The following PIK3R4 variants were observed in gnomAD, a reference collection of about 807,000 sequenced individuals.
PIK3R4 encodes phosphoinositide-3-kinase regulatory subunit 4.
A neutral mutation model predicts 136.5 loss-of-function variants in PIK3R4; 46 were observed. The observed-to-expected ratio is 0.34, with a 90% CI of 0.27 to 0.43. PIK3R4 has a LOEUF of 0.43. PIK3R4 is among the 20% of genes least tolerant of loss of function. The probability of loss-of-function intolerance (pLI) is 1.00; values close to 1 mark genes in which losing one functional copy is unlikely to be tolerated. For synonymous variants in PIK3R4, 557 were observed against 566.7 expected (o/e 0.98, Z 0.24); for missense variants, 1,331 against 1,649.5 (o/e 0.81, Z 3.35).
At chr3:130,742,537 G>A (rs1279179697) in intron 2 of PIK3R4, among the ~76,000 whole-genome samples, 2 of 152,150 alleles carry the variant, frequency 1.3e-5, no homozygotes, top group African/African-American at 2.4e-5. Flanking sequence ...TTGTTATACT[G>A]TATTTACAAC....
Position 130,744,348 on chromosome 3 carries a change from C to A in PIK3R4, c.733+138G>T, listed in dbSNP as rs1420549221. 10 of 868,748 alleles carry A rather than the reference C, an allele frequency of 1.2e-5. No individual in the cohort carries two copies. In the East Asian group the frequency reaches 2.2e-4, roughly 19 times the overall value. 53.8% of individuals were successfully genotyped at this position (868,748 alleles called of 1,614,324 possible). ...AAACATATCCAATGCAGGAATGCTG[C>A]CTCTAACTGAAATAGCGTCTGAGGA... On this transcript the variant is annotated intron_variant, in intron 2 of 19. Transcript: ENST00000356763.
chr3:130,680,229 T>A (rs1263703351), intron 19 of PIK3R4, among the ~76,000 whole-genome samples: 1 of 152,178 alleles, frequency 6.6e-6, no homozygotes, highest in Non-Finnish European at 1.5e-5. Flanking sequence ...TCACTTGAAG[T>A]TTTTGCCTGA....
intron 16 of PIK3R4, 100 bp from the exon 17 acceptor site, chr3:130,681,691 C>A: frequency 1.5e-6 from 1 of 648,400 alleles, no homozygotes; most frequent in Admixed American, 2.8e-5. Flanking sequence ...AGAAAAATTT[C>A]TTTCTTTCTT....
chr3:130,734,848 A>C (rs987354890), intron 3 of PIK3R4, among the ~76,000 whole-genome samples: 1 of 152,188 alleles, frequency 6.6e-6, no homozygotes, highest in African/African-American at 2.4e-5. Flanking sequence ...AATATCACAA[A>C]ATGTATTGAG....
intron 2 of PIK3R4, among the ~76,000 whole-genome samples, chr3:130,743,204 C>T (rs934052710): frequency 6.6e-6 from 1 of 151,614 alleles, no homozygotes; most frequent in Non-Finnish European, 1.5e-5. Flanking sequence ...TGAGCTCAGG[C>T]GTTCAGGAAC....
At chr3:130,701,694 T>C (rs967472245) in intron 13 of PIK3R4, among the ~76,000 whole-genome samples, 1 of 152,146 alleles carries the variant, frequency 6.6e-6, no homozygotes, top group Non-Finnish European at 1.5e-5. Flanking sequence ...ATGGAATGGT[T>C]CATTTAAGAT....
intron 3 of PIK3R4, among the ~76,000 whole-genome samples, chr3:130,734,653 G>A (rs975020649): frequency 6.6e-6 from 1 of 152,192 alleles, no homozygotes; most frequent in Admixed American, 6.5e-5. Context: ...AGGGGAATCA[G>A]TGGCTTAAAG....
At chr3:130,722,612 A>G (rs2066708136) in intron 7 of PIK3R4, among the ~76,000 whole-genome samples, 1 of 152,170 alleles carries the variant, frequency 6.6e-6, no homozygotes, top group Non-Finnish European at 1.5e-5. Flanking sequence ...TAGAATAAAC[A>G]TATTATTCAA....
At chr3:130,711,574 A>C (rs973412906) in intron 9 of PIK3R4, among the ~76,000 whole-genome samples, 1 of 152,256 alleles carries the variant, frequency 6.6e-6, no homozygotes, top group Admixed American at 6.5e-5. Context: ...AGAAAGAACA[A>C]CACAAGGTTG....
chr3:130,687,859 A>G (rs1273554376), intron 14 of PIK3R4, among the ~76,000 whole-genome samples: 1 of 152,088 alleles, frequency 6.6e-6, no homozygotes, highest in Non-Finnish European at 1.5e-5. Context: ...TATTTTTCCC[A>G]CACACCTGGA....
chr3:130,715,750 T>C (rs778102012), intron 9 of PIK3R4, among the ~76,000 whole-genome samples: 5 of 152,182 alleles, frequency 3.3e-5, no homozygotes, highest in Admixed American at 6.5e-5. Context: ...TGCAGACCTC[T>C]TTAATTAGAT....
chr3:130,724,202 C>T (rs1056685690), intron 6 of PIK3R4, among the ~76,000 whole-genome samples: 5 of 152,118 alleles, frequency 3.3e-5, no homozygotes, highest in Admixed American at 6.5e-5. Context: ...CTAGCTATTA[C>T]GGATATGGTG....
At chr3:130,698,993 A>G (rs1197403451) in intron 13 of PIK3R4, among the ~76,000 whole-genome samples, 1 of 152,180 alleles carries the variant, frequency 6.6e-6, no homozygotes, top group East Asian at 1.9e-4. Flanking sequence ...AGCATTTTAC[A>G]TCTCTGCTTT....
chr3:130,688,180 C>A (rs2066499085), intron 14 of PIK3R4, among the ~76,000 whole-genome samples: 1 of 152,224 alleles, frequency 6.6e-6, no homozygotes, highest in Non-Finnish European at 1.5e-5. Context: ...CTTTCTCTAA[C>A]AGTGACAAAC....
In PIK3R4 at chr3:130,719,106, AT is replaced by A; in HGVS notation, c.1982-573del. 1.3e-5 allele frequency among the ~76,000 whole-genome samples: 2 copies of A among 152,340 alleles called. 1 individual carries two copies. Among genetic ancestry groups the A allele is most frequent in the South Asian group, 4.1e-4 (2 of 4,832 alleles). ...AGTTACTTTCACAAGGCAATGATGA[AT>A]GGAAACAAAAAGGCTGAAAACATGA... On this transcript the variant is annotated intron_variant, in intron 7 of 19. Coordinates refer to ENST00000356763, the MANE Select transcript of PIK3R4 (RefSeq NM_014602.3).
rs79186334 is a variant in PIK3R4 at position 130,718,247 on chromosome 3, A to G, written c.2127+142T>C. On this transcript the variant is annotated intron_variant, in intron 8 of 19. Transcript: ENST00000356763. ...CAAAGGTGCTTGGTTCATTAACATT[A>G]ATTAGCTTGAAAGGAATATAAACAT... is the stretch of plus-strand genomic sequence containing the variant. 9.4e-4 allele frequency: 636 copies of G among 675,848 alleles called. 2 individuals are homozygous for G. The African/African-American group carries it at 1.0e-2, about 11-fold the overall frequency. The allele number at this position is 675,848 out of a possible 1,614,324, so 41.9% of individuals were successfully genotyped here. A position where few individuals can be genotyped will look rare whatever the true frequency, so the allele number is the denominator to read the frequency against.
rs1473481098 is a variant in PIK3R4, at chr3:130,681,686, A to G, written c.3608-95T>C. 1.7e-5 allele frequency: 12 copies of G among 695,632 alleles called. No homozygotes were observed. The South Asian group carries it at 1.8e-4, about 10-fold the overall frequency. The allele number at this position is 695,632 out of a possible 1,614,324, so 43.1% of individuals were successfully genotyped here. A position where few individuals can be genotyped will look rare whatever the true frequency, so the allele number is the denominator to read the frequency against. On this transcript the variant is annotated intron_variant, in intron 16 of 19. Coordinates refer to ENST00000356763, the MANE Select transcript of PIK3R4 (RefSeq NM_014602.3). ...TGCAGTCCTGAGAGAAAGAAAGAAA[A>G]ATTTCTTTCTTTCTTTCAGGGGGAG...
At chr3:130,738,547 A>G (rs1241077274) in intron 2 of PIK3R4, among the ~76,000 whole-genome samples, 3 of 152,222 alleles carry the variant, frequency 2.0e-5, no homozygotes, top group Non-Finnish European at 4.4e-5. Context: ...AGTGTCAAAG[A>G]CAATCTAATG....
Position 130,733,968 on chromosome 3 carries a change from G to A in PIK3R4, c.1030C>T (p.Leu344=). Residue 344 remains leucine, a synonymous_variant, in exon 4 of 20, where the codon CTG becomes TTG. Coordinates refer to ENST00000356763, the MANE Select transcript of PIK3R4 (RefSeq NM_014602.3). ...TTGCCCAAATCCTTCCGTATAACCAGAATACGCTCATCTGCAGAAAGAAAC... is the reference window on the plus strand; with the variant it reads ...TTGCCCAAATCCTTCCGTATAACCAAAATACGCTCATCTGCAGAAAGAAAC... ...ETFLSADERI[L]VIRKDLGNII... 1.2e-6 allele frequency: 2 copies of A among 1,614,136 alleles called. No individual in the cohort carries two copies. Among genetic ancestry groups the A allele is most frequent in the Non-Finnish European group, 1.7e-6 (2 of 1,180,006 alleles).
Sources: allele counts gnomAD v4.1 joint callset (sites outside exome capture counted in the v4.1 genomes callset), GRCh38; gene constraint gnomAD v4.1.1; transcripts MANE v1.5; gene names NCBI Gene and HGNC (gene_info 2026-07-23, HGNC 2026-07-21).